SEM1: variants seen among roughly 807,000 people sequenced by gnomAD.
The protein encoded by SEM1 is 26S proteasome complex subunit SEM1.
Under a neutral mutation model 12.7 loss-of-function variants are expected in SEM1, and 3 were observed. The observed-to-expected ratio is 0.24, with a 90% confidence interval of 0.11 to 0.61. SEM1 has a LOEUF of 0.61. Among genes scored for constraint, SEM1 ranks in the 20% least tolerant of loss-of-function variants. The pLI is 0.88. For synonymous variants in SEM1, 30 were observed against 27.8 expected (o/e 1.08, Z -0.25); for missense variants, 59 against 81.3 (o/e 0.73, Z 1.06).
chr7:96,493,921 C>T (rs965932596), intron 1 of SEM1, among the ~76,000 whole-genome samples: 2 of 152,130 alleles, frequency 1.3e-5, no homozygotes, highest in Non-Finnish European at 1.5e-5. Context: ...TTTAGTTTTG[C>T]TCCCCACAAC....
intron 2 of SEM1, chr7:96,637,420 T>A (rs185279880): frequency 2.6e-5 from 4 of 152,170 alleles, no homozygotes; most frequent in Non-Finnish European, 5.9e-5. Context: ...AAGCAAGGTG[T>A]CTGAGTGCTT....
At chr7:96,602,781 C>T (rs955335833) in intron 2 of SEM1, among the ~76,000 whole-genome samples, 1 of 152,128 alleles carries the variant, frequency 6.6e-6, no homozygotes, top group Non-Finnish European at 1.5e-5. Flanking sequence ...AAAATTGATT[C>T]GTGATTATTT....
intron 2 of SEM1, among the ~76,000 whole-genome samples, chr7:96,579,567 G>A (rs1165089039): frequency 6.6e-6 from 1 of 152,146 alleles, no homozygotes; most frequent in Non-Finnish European, 1.5e-5. Flanking sequence ...GAGATGTTCA[G>A]AATCTTACAA....
chr7:96,647,969 A>C (rs183952133), intron 2 of SEM1, among the ~76,000 whole-genome samples: 1 of 152,320 alleles, frequency 6.6e-6, no homozygotes, highest in Non-Finnish European at 1.5e-5. Flanking sequence ...GGAGAGAGCA[A>C]TTTTTGGCAC....
intron 2 of SEM1, among the ~76,000 whole-genome samples, chr7:96,585,709 G>C (rs536799358): frequency 5.4e-4 from 81 of 150,284 alleles, no homozygotes; most frequent in African/African-American, 1.9e-3. Context: ...TGCAGTATTC[G>C]GGTGGGAGTG....
rs192339865 is a variant in SEM1 at position 96,701,920 on chromosome 7, A to C, written c.77-7029T>G. Among the ~76,000 whole-genome samples the C allele has an allele frequency of 2.4e-3, 359 of 152,250 alleles. 9 individuals carry two copies. Among genetic ancestry groups the C allele is most frequent in the Admixed American group, 0.021 (320 of 15,276 alleles). Reference sequence around the variant, plus strand: ...TAAGATGAGGTGTCTAAGCCCAAGTAGAGCAAGGAGGGCATTCCTGGAGAG... The same window carrying C: ...TAAGATGAGGTGTCTAAGCCCAAGTCGAGCAAGGAGGGCATTCCTGGAGAG... On this transcript the variant is annotated intron_variant, in intron 1 of 2. Transcript: ENST00000248566.
chr7:96,528,955 A>G (rs1434494746), intron 2 of SEM1, among the ~76,000 whole-genome samples: 1 of 152,116 alleles, frequency 6.6e-6, no homozygotes, highest in East Asian at 1.9e-4. Context: ...AATTTAATGC[A>G]ATTTACCCAA....
intron 2 of SEM1, among the ~76,000 whole-genome samples, chr7:96,584,490 A>G (rs1441228403): frequency 8.6e-5 from 13 of 151,978 alleles, no homozygotes; most frequent in East Asian, 5.8e-4. Context: ...CATTCTCTCT[A>G]TTTCCTGAAT....
At chr7:96,597,953 T>C (rs1446751454) in intron 2 of SEM1, among the ~76,000 whole-genome samples, 1 of 152,170 alleles carries the variant, frequency 6.6e-6, no homozygotes, top group African/African-American at 2.4e-5. Flanking sequence ...CTGCATGCTG[T>C]TTTGCATCTT....
At chr7:96,692,422 G>C (rs1211488660) in intron 2 of SEM1, among the ~76,000 whole-genome samples, 2 of 152,130 alleles carry the variant, frequency 1.3e-5, no homozygotes, top group Non-Finnish European at 2.9e-5. Flanking sequence ...ACACAGAGTA[G>C]AGATCAACAG....
chr7:96,521,237 T>G (rs1170533668), intron 2 of SEM1, among the ~76,000 whole-genome samples: 7 of 152,068 alleles, frequency 4.6e-5, no homozygotes, highest in Non-Finnish European at 1.0e-4. Flanking sequence ...TTTATCAGCT[T>G]AAACCCGGAG....
rs76378781 is a variant in SEM1 at position 96,543,773 on chromosome 7, A to C, written c.171-37075T>G. On this transcript the variant is annotated intron_variant and NMD_transcript_variant, in intron 2 of 3. Transcript: ENST00000466986. ...CAAATACATGCAGACTTGTGATTGG[A>C]AACAGAATATAATCAATGAATCAGA... Among the ~76,000 whole-genome samples the C allele has an allele frequency of 3.5e-3, 530 of 152,098 alleles. 1 individual carries two copies. Among genetic ancestry groups the C allele is most frequent in the African/African-American group, 0.012 (504 of 41,528 alleles).
chr7:96,495,468 G>A (rs1803204267), intron 1 of SEM1, among the ~76,000 whole-genome samples: 1 of 152,114 alleles, frequency 6.6e-6, no homozygotes, highest in Non-Finnish European at 1.5e-5. Context: ...TGATAGTAAA[G>A]TGCTGTTCTA....
rs756234902 is a variant in SEM1 at position 96,586,171 on chromosome 7, AT to A, written c.171-79474del. On this transcript the variant is annotated intron_variant and NMD_transcript_variant, in intron 2 of 3. Coordinates refer to the SEM1 transcript ENST00000466986. ...AATTTTAAAAAGGAAGAAGATGGGA[AT>A]TTTTCACTGACTCAAGGAAAAATAC... 7.7e-4 allele frequency among the ~76,000 whole-genome samples: 117 copies of A among 152,098 alleles called. 1 individual carries two copies. Among genetic ancestry groups the A allele is most frequent in the Non-Finnish European group, 1.4e-3 (95 of 67,990 alleles).
intron 2 of SEM1, among the ~76,000 whole-genome samples, chr7:96,534,477 C>A (rs1310329263): frequency 6.6e-6 from 1 of 151,992 alleles, no homozygotes; most frequent in East Asian, 1.9e-4. Flanking sequence ...GGTAAAAGGT[C>A]CATTCGAAGT....
At chr7:96,601,805 CAG>C (rs1563078941) in intron 2 of SEM1, among the ~76,000 whole-genome samples, 1 of 150,744 alleles carries the variant, frequency 6.6e-6, no homozygotes, top group African/African-American at 2.4e-5. Flanking sequence ...GAAGACCAAA[CAG>C]AAATCTTTTG....
intron 2 of SEM1, among the ~76,000 whole-genome samples, chr7:96,571,387 G>T (rs1267406280): frequency 4.0e-5 from 6 of 151,896 alleles, no homozygotes; most frequent in Admixed American, 3.3e-4. Context: ...TGTATAATGT[G>T]TATGGAAGGG....
intron 2 of SEM1, among the ~76,000 whole-genome samples, chr7:96,578,537 T>A (rs919250980): frequency 2.0e-5 from 3 of 152,062 alleles, no homozygotes; most frequent in East Asian, 3.9e-4. Context: ...AACTAAAAGA[T>A]CTATTTTCTT....
intron 2 of SEM1, among the ~76,000 whole-genome samples, chr7:96,580,559 T>C (rs1202424052): frequency 2.0e-5 from 3 of 152,034 alleles, no homozygotes; most frequent in African/African-American, 7.2e-5. Context: ...ACTTCCACAA[T>C]GGTTGAACTA....
Sources: allele counts gnomAD v4.1 joint callset (sites outside exome capture counted in the v4.1 genomes callset), GRCh38; gene constraint gnomAD v4.1.1; transcripts MANE v1.5; gene names NCBI Gene and HGNC (gene_info 2026-07-23, HGNC 2026-07-21).